The following FRMD6 variants were observed in gnomAD, a reference collection of about 807,000 sequenced individuals.
FRMD6 encodes FERM domain-containing protein 6.
In FRMD6, 37 loss-of-function variants were observed where a neutral mutation model predicts 73.2. The ratio of observed to expected loss-of-function variants is 0.51; its 90% CI spans 0.39 to 0.66. The LOEUF is 0.66. Ranked by LOEUF, FRMD6 falls within the 30% of genes least tolerant of loss-of-function variation. The pLI, the probability that FRMD6 is intolerant of heterozygous loss-of-function variation, is 0.00. For missense variants in FRMD6, 714 were observed against 780.5 expected, an observed-to-expected ratio of 0.91 and a Z score of 1.02; for synonymous variants, 273 against 282.2, an observed-to-expected ratio of 0.97 and a Z score of 0.33.
At chr14:51,456,033 T>C in the FRMD6 span, among the ~76,000 whole-genome samples, 1 of 152,192 alleles carries the variant, frequency 6.6e-6, no homozygotes, top group East Asian at 1.9e-4. Flanking sequence ...AGCAGTTCCT[T>C]GCATCCAGAC....
At chr14:51,459,629 C>G in the FRMD6 span, among the ~76,000 whole-genome samples, 1 of 151,856 alleles carries the variant, frequency 6.6e-6, no homozygotes, top group East Asian at 1.9e-4. Context: ...AGATTGAGAC[C>G]ATCCTGGCTA....
At chr14:51,720,472 A>G (rs1897490099) in intron 11 of FRMD6, 82 bp downstream of exon 11, 1 of 1,299,816 alleles carries the variant, frequency 7.7e-7, no homozygotes, top group South Asian at 1.2e-5. Context: ...TGGTGTCTGG[A>G]GAGCAACTTT....
chr14:51,567,151 C>T (rs75491176), intron 1 of FRMD6, among the ~76,000 whole-genome samples: 2,361 of 152,240 alleles, frequency 0.016, 62 homozygotes, highest in African/African-American at 0.054. Flanking sequence ...CATGCAGAAA[C>T]GTAGGCCAGG....
At chr14:51,539,302 G>A (rs1217832090) in intron 1 of FRMD6, among the ~76,000 whole-genome samples, 5 of 149,438 alleles carry the variant, frequency 3.3e-5, no homozygotes, top group Admixed American at 1.3e-4. Context: ...TGTCCCTTTT[G>A]GGAAGCCATC....
intron 1 of FRMD6, among the ~76,000 whole-genome samples, chr14:51,519,446 G>A (rs116402819): frequency 7.2e-5 from 11 of 152,040 alleles, no homozygotes; most frequent in African/African-American, 2.4e-4. Flanking sequence ...CACTGCACCC[G>A]GCCCACATTT....
At chr14:51,629,983 T>C (rs1375650941) in intron 2 of FRMD6, among the ~76,000 whole-genome samples, 1 of 152,198 alleles carries the variant, frequency 6.6e-6, no homozygotes, top group African/African-American at 2.4e-5. Flanking sequence ...GGCCTTGCTA[T>C]GTTGCTTAGG....
At chr14:51,582,471 TG>T (rs1193854906) in intron 2 of FRMD6, among the ~76,000 whole-genome samples, 1 of 152,208 alleles carries the variant, frequency 6.6e-6, no homozygotes, top group Non-Finnish European at 1.5e-5. Flanking sequence ...CACACCATTT[TG>T]TGGCTCCAGA....
intron 1 of FRMD6, among the ~76,000 whole-genome samples, chr14:51,663,288 A>G (rs1031939437): frequency 8.0e-4 from 122 of 152,228 alleles, no homozygotes; most frequent in African/African-American, 2.8e-3. Context: ...AATATAAATC[A>G]TTCTATTACA....
chr14:51,626,302 TTCCAGCTAGGC>T (rs1891114255), intron 2 of FRMD6, among the ~76,000 whole-genome samples: 1 of 152,128 alleles, frequency 6.6e-6, no homozygotes, highest in Non-Finnish European at 1.5e-5. Flanking sequence ...ATTTCCTAGG[TTCCAGCTAGGC>T]ATTAAATAGG....
chr14:51,564,020 C>G (rs770879236), intron 1 of FRMD6, among the ~76,000 whole-genome samples: 1 of 152,112 alleles, frequency 6.6e-6, no homozygotes, highest in Non-Finnish European at 1.5e-5. Flanking sequence ...CGGAAAATTT[C>G]TTTCTGGGTA....
At chr14:51,598,021 G>T (rs1394269845) in intron 2 of FRMD6, among the ~76,000 whole-genome samples, 1 of 152,166 alleles carries the variant, frequency 6.6e-6, no homozygotes, top group African/African-American at 2.4e-5. Context: ...GAAGAAAAGG[G>T]CAAGAAGCCA....
chr14:51,572,937 A>C (rs1277759314), intron 2 of FRMD6, among the ~76,000 whole-genome samples: 1 of 152,244 alleles, frequency 6.6e-6, no homozygotes, highest in Non-Finnish European at 1.5e-5. Flanking sequence ...TTTTGGAGAC[A>C]GAGAGAAGAC....
At chr14:51,489,525 T>A (rs1294321067) in intron 1 of FRMD6, 8 of 152,378 alleles carry the variant, frequency 5.3e-5, no homozygotes, top group Non-Finnish European at 1.2e-4. Flanking sequence ...CATCGAAGGG[T>A]TTAAATAATT....
the FRMD6 span, among the ~76,000 whole-genome samples, chr14:51,434,528 G>A: frequency 2.7e-4 from 9 of 32,846 alleles, no homozygotes; most frequent in East Asian, 3.0e-3. Flanking sequence ...TTAAAAAATT[G>A]TAATAAGTAT....
At chr14:51,581,117 C>T (rs1000174188) in intron 2 of FRMD6, among the ~76,000 whole-genome samples, 1 of 152,172 alleles carries the variant, frequency 6.6e-6, no homozygotes, top group African/African-American at 2.4e-5. Context: ...TCTGCAGCCT[C>T]CTCTGCCACC....
At chr14:51,443,068 T>C in the FRMD6 span, among the ~76,000 whole-genome samples, 4 of 152,188 alleles carry the variant, frequency 2.6e-5, no homozygotes, top group Non-Finnish European at 5.9e-5. Context: ...CCCTGCAGGA[T>C]TTTAATCTTA....
intron 1 of FRMD6, among the ~76,000 whole-genome samples, chr14:51,517,396 T>C (rs566309878): frequency 8.5e-5 from 13 of 152,280 alleles, no homozygotes; most frequent in Admixed American, 7.8e-4. Context: ...GCACCACTTG[T>C]CACATAGATA....
chr14:51,532,566 T>C (rs1242341704), intron 1 of FRMD6, among the ~76,000 whole-genome samples: 4 of 152,146 alleles, frequency 2.6e-5, no homozygotes, highest in Non-Finnish European at 4.4e-5. Flanking sequence ...TTAGCAGTCA[T>C]ATGTCTTTGA....
intron 7 of FRMD6, among the ~76,000 whole-genome samples, chr14:51,709,023 T>A (rs1896792902): frequency 6.6e-6 from 1 of 152,172 alleles, no homozygotes; most frequent in Non-Finnish European, 1.5e-5. Context: ...CTCACAGTAC[T>A]CTATATCATC....
Sources: gnomAD v4.1 joint callset for allele counts (sites outside exome capture counted in the v4.1 genomes callset) on GRCh38, gnomAD v4.1.1 for gene constraint, MANE v1.5 for transcripts, NCBI Gene and HGNC (gene_info 2026-07-23, HGNC 2026-07-21) for gene names.